Variants in RBFOX1 observed in about 807,000 individuals in gnomAD.
RBFOX1 encodes RNA binding protein fox-1 homolog 1.
RBFOX1 carries 8 observed loss-of-function variants against 57.7 expected under a neutral mutation model. The observed-to-expected ratio is 0.14, with a 90% CI of 0.08 to 0.25. The LOEUF (loss-of-function observed/expected upper bound fraction) is 0.25. RBFOX1 is among the 10% of genes least tolerant of loss of function. The probability of loss-of-function intolerance (pLI) is 1.00; values close to 1 mark genes in which losing one functional copy is unlikely to be tolerated. For synonymous variants in RBFOX1, 326 were observed against 222.4 expected (o/e 1.47, Z -4.15); for missense variants, 611 against 548.5 (o/e 1.11, Z -1.14).
At chr16:7,544,615 A>G (rs2083894224) in intron 5 of RBFOX1, among the ~76,000 whole-genome samples, 1 of 151,870 alleles carries the variant, frequency 6.6e-6, no homozygotes, top group South Asian at 2.1e-4. Context: ...GCAAGGACGG[A>G]CTCTCCTTGA....
intron 4 of RBFOX1, among the ~76,000 whole-genome samples, chr16:5,968,907 A>T (rs765378883): frequency 6.6e-6 from 1 of 152,054 alleles, no homozygotes; most frequent in Admixed American, 6.5e-5. Context: ...TCTTTTTAAC[A>T]GCTTGATTTA....
At chr16:6,419,650 G>A (rs755239806) in intron 2 of RBFOX1, among the ~76,000 whole-genome samples, 3 of 152,084 alleles carry the variant, frequency 2.0e-5, no homozygotes, top group Admixed American at 6.6e-5. Context: ...GTTGCAGAGG[G>A]CCCACCTGTA....
intron 1 of RBFOX1, among the ~76,000 whole-genome samples, chr16:5,266,745 G>T (rs559729017): frequency 2.8e-4 from 43 of 151,624 alleles, no homozygotes; most frequent in African/African-American, 8.0e-4. Flanking sequence ...TTTGCAGAGA[G>T]GGGGGGTCTC....
At chr16:6,871,851 C>A (rs1025807014) in intron 3 of RBFOX1, among the ~76,000 whole-genome samples, 1 of 151,592 alleles carries the variant, frequency 6.6e-6, no homozygotes, top group Non-Finnish European at 1.5e-5. Flanking sequence ...CTATCGTGTC[C>A]TAAATCCGCA....
At chr16:6,757,530 C>T (rs989666399) in intron 3 of RBFOX1, among the ~76,000 whole-genome samples, 1 of 152,084 alleles carries the variant, frequency 6.6e-6, no homozygotes, top group Non-Finnish European at 1.5e-5. Context: ...ATTATGTTAA[C>T]TGAAATAAGC....
chr16:6,819,149 T>C (rs984967639), intron 3 of RBFOX1, among the ~76,000 whole-genome samples: 2 of 152,188 alleles, frequency 1.3e-5, no homozygotes, highest in Non-Finnish European at 2.9e-5. Context: ...TTGTATCATA[T>C]ATTTGACCCC....
chr16:7,598,362 G>A (rs2094820659), intron 9 of RBFOX1, among the ~76,000 whole-genome samples: 1 of 152,124 alleles, frequency 6.6e-6, no homozygotes, highest in South Asian at 2.1e-4. Context: ...TGGTTGTGCT[G>A]AATTGTGAGA....
chr16:7,519,943 T>A (rs2077172410), intron 5 of RBFOX1, among the ~76,000 whole-genome samples: 1 of 152,210 alleles, frequency 6.6e-6, no homozygotes. Context: ...TGGAGTGCGG[T>A]GGCGCGATCT....
At chr16:5,341,202 G>T (rs1320941090) in intron 1 of RBFOX1, among the ~76,000 whole-genome samples, 1 of 152,166 alleles carries the variant, frequency 6.6e-6, no homozygotes, top group Non-Finnish European at 1.5e-5. Flanking sequence ...GGACCAGATT[G>T]TGCAGGACAT....
At chr16:6,866,660 G>C (rs147053987) in intron 3 of RBFOX1, among the ~76,000 whole-genome samples, 12,933 of 147,342 alleles carry the variant, frequency 0.088, 605 homozygotes, top group South Asian at 0.12. Flanking sequence ...TCCTGCCTCA[G>C]CCTTCCGAGT....
At chr16:5,444,674 C>A (rs968443911) in intron 1 of RBFOX1, among the ~76,000 whole-genome samples, 1 of 152,090 alleles carries the variant, frequency 6.6e-6, no homozygotes, top group East Asian at 1.9e-4. Context: ...GGAATTTTTA[C>A]AAGGGAAAAA....
chr16:5,705,956 G>A (rs1011500140), intron 3 of RBFOX1, among the ~76,000 whole-genome samples: 70 of 152,176 alleles, frequency 4.6e-4, no homozygotes, highest in African/African-American at 1.5e-3. Flanking sequence ...TGTTGCCCAC[G>A]ATGGAGTGCA....
At chr16:5,472,731 A>G (rs1247787677) in intron 2 of RBFOX1, among the ~76,000 whole-genome samples, 2 of 152,054 alleles carry the variant, frequency 1.3e-5, no homozygotes, top group African/African-American at 4.8e-5. Context: ...TCATTTCCTA[A>G]CAGAAGGAAT....
At chr16:6,285,666 T>A (rs2076831394) in intron 1 of RBFOX1, among the ~76,000 whole-genome samples, 1 of 152,184 alleles carries the variant, frequency 6.6e-6, no homozygotes, top group Non-Finnish European at 1.5e-5. Context: ...ATCTGTTCCC[T>A]GCTTTTCCTG....
At chr16:7,618,075 C>T (rs115658900) in intron 10 of RBFOX1, among the ~76,000 whole-genome samples, 125 of 152,006 alleles carry the variant, frequency 8.2e-4, no homozygotes, top group African/African-American at 2.8e-3. Flanking sequence ...GCCAAGTTGA[C>T]GTTTTTTCCA....
At chr16:6,051,057 C>A (rs2095547054) in intron 1 of RBFOX1, among the ~76,000 whole-genome samples, 1 of 148,654 alleles carries the variant, frequency 6.7e-6, no homozygotes, top group African/African-American at 2.5e-5. Flanking sequence ...CTGAAATAAT[C>A]CATTTCCCCG....
intron 3 of RBFOX1, among the ~76,000 whole-genome samples, chr16:6,743,565 G>C (rs2072828858): frequency 1.3e-5 from 2 of 151,914 alleles, no homozygotes; most frequent in Non-Finnish European, 2.9e-5. Context: ...AACATGACAA[G>C]ACCCCAACTG....
intron 1 of RBFOX1, among the ~76,000 whole-genome samples, chr16:5,343,530 C>T (rs1181731748): frequency 6.6e-6 from 1 of 151,738 alleles, no homozygotes; most frequent in Non-Finnish European, 1.5e-5. Context: ...ACCGTGTTAC[C>T]CAGGATGGTC....
intron 4 of RBFOX1, among the ~76,000 whole-genome samples, chr16:7,108,294 A>G (rs2151511167): frequency 6.6e-6 from 1 of 152,188 alleles, no homozygotes; most frequent in East Asian, 1.9e-4. Context: ...TATGCTCACA[A>G]TCTCCCCATT....
Sources: gnomAD v4.1 joint callset for allele counts (sites outside exome capture counted in the v4.1 genomes callset) on GRCh38, gnomAD v4.1.1 for gene constraint, MANE v1.5 for transcripts, NCBI Gene and HGNC (gene_info 2026-07-23, HGNC 2026-07-21) for gene names.